Variants in VPS13D observed in about 807,000 individuals in gnomAD.
VPS13D encodes the protein vacuolar protein sorting 13 homolog D, also known as intermembrane lipid transfer protein VPS13D.
A neutral mutation model predicts 461.9 loss-of-function variants in VPS13D; 187 were observed. That is an observed-to-expected ratio of 0.40 (90% confidence interval 0.36 to 0.46). VPS13D has a LOEUF of 0.46. VPS13D is among the 20% of genes least tolerant of loss of function. VPS13D has a pLI of 0.60. For synonymous variants in VPS13D, 1,951 were observed against 1,986.3 expected, an observed-to-expected ratio of 0.98 and a Z score of 0.47; for missense variants, 4,711 against 5,364.9, an observed-to-expected ratio of 0.88 and a Z score of 3.81.
At chr1:12,339,753 G>T (rs1196273412) in intron 40 of VPS13D, among the ~76,000 whole-genome samples, 3 of 152,166 alleles carry the variant, frequency 2.0e-5, no homozygotes, top group South Asian at 2.1e-4. Flanking sequence ...ATGGGTTATT[G>T]AAGCCTGTGC....
At chr1:12,501,425 A>G (rs1646033783) in intron 68 of VPS13D, among the ~76,000 whole-genome samples, 1 of 152,190 alleles carries the variant, frequency 6.6e-6, no homozygotes, top group African/African-American at 2.4e-5. Flanking sequence ...TACACCTCTG[A>G]ATTAAAACTT....
Position 12,338,256 on chromosome 1 carries a change from TAGG to T in VPS13D, c.8580_8582del (p.Arg2860del). On this transcript the variant is annotated inframe_deletion, in exon 40 of 70. Coordinates refer to ENST00000620676, the MANE Select transcript of VPS13D (RefSeq NM_015378.4). ...GCCTCCCCCTTGTCTACCTTAGAAC[TAGG>T]AGTACAGCCAGTCTGACTAACCTAG... 6.2e-7 allele frequency: 1 copy of T among 1,613,738 alleles called. No individual in the cohort carries two copies.
At position 12,382,033 on chromosome 1, in the gene VPS13D, C is replaced by CTCTT. The variant is rs577199939; in HGVS notation, c.11191-926_11191-923dup. On this transcript the variant is annotated intron_variant, in intron 57 of 69. Coordinates refer to ENST00000620676, the MANE Select transcript of VPS13D (RefSeq NM_015378.4). ...TCTTCCTTCCTTCCTTCCTTTCTTT[C>CTCTT]TCTTTCTTTCTTTCTTTCTTCCCTT... Among the ~76,000 whole-genome samples, 586 of 142,316 alleles carry CTCTT rather than the reference C, an allele frequency of 4.1e-3. 3 individuals are homozygous for CTCTT. The highest frequency in any genetic ancestry group is 0.013 in the African/African-American group (509 of 37,834). 93.4% of individuals were successfully genotyped at this position (142,316 alleles called of 152,430 possible). A position where few individuals can be genotyped will look rare whatever the true frequency, so the allele number is the denominator to read the frequency against.
chr1:12,487,905 C>T (rs1338345661), intron 67 of VPS13D, among the ~76,000 whole-genome samples: 2 of 152,168 alleles, frequency 1.3e-5, no homozygotes, highest in African/African-American at 2.4e-5. Flanking sequence ...TGGCACTTTT[C>T]TAAAACTTCA....
intron 25 of VPS13D, among the ~76,000 whole-genome samples, chr1:12,301,319 C>A (rs1037757272): frequency 1.3e-5 from 2 of 152,192 alleles, no homozygotes; most frequent in Non-Finnish European, 2.9e-5. Flanking sequence ...AGACACCAGT[C>A]ACAAGTACAG....
intron 65 of VPS13D, among the ~76,000 whole-genome samples, chr1:12,419,600 A>G (rs1245596986): frequency 6.6e-6 from 1 of 152,134 alleles, no homozygotes; most frequent in South Asian, 2.1e-4. Flanking sequence ...GAGGTGCTAC[A>G]TACTTTTAAA....
At position 12,279,780 on chromosome 1, in the gene VPS13D, C is replaced by A; in HGVS notation, c.4602+130C>A. The A allele has an allele frequency of 3.7e-6, 3 of 816,272 alleles. No individual in the cohort carries two copies. The highest frequency in any genetic ancestry group is 3.4e-6 in the Non-Finnish European group (2 of 590,332). 50.6% of individuals were successfully genotyped at this position (816,272 alleles called of 1,614,324 possible). On this transcript the variant is annotated intron_variant, in intron 20 of 69. Coordinates refer to ENST00000620676, the MANE Select transcript of VPS13D (RefSeq NM_015378.4). This position sits in a 1 kb window ranked among gnomAD's most constrained non-coding sequence, Gnocchi z 4.3. ...AAGATATATCACCCATGCATAATAC[C>A]ATTGTTGAAACCTTGTTCCAATAAT...
intron 24 of VPS13D, among the ~76,000 whole-genome samples, chr1:12,294,629 A>G (rs1010253356): frequency 2.0e-5 from 3 of 152,142 alleles, no homozygotes; most frequent in African/African-American, 7.2e-5. Flanking sequence ...CCTGGCCAAC[A>G]TGACGAAACC....
intron 60 of VPS13D, among the ~76,000 whole-genome samples, chr1:12,398,584 C>T (rs539585565): frequency 2.6e-5 from 4 of 151,994 alleles, no homozygotes; most frequent in Admixed American, 6.6e-5. Context: ...TGGTGAACTT[C>T]GATGTGAGAC....
chr1:12,406,542 T>A (rs1644658206), intron 63 of VPS13D, among the ~76,000 whole-genome samples: 1 of 152,188 alleles, frequency 6.6e-6, no homozygotes, highest in Non-Finnish European at 1.5e-5. Context: ...GAGGGTACAT[T>A]GTTGCCAGAT....
Position 12,358,512 on chromosome 1 carries a change from G to A in VPS13D, c.10052G>A (p.Cys3351Tyr). 1 of 1,614,234 alleles carries A rather than the reference G, an allele frequency of 6.2e-7. No individual in the cohort carries two copies. The highest frequency in any genetic ancestry group is 8.5e-7 in the Non-Finnish European group (1 of 1,180,048). The change falls in exon 50 of 70, where the codon TGT (cysteine) becomes TAT (tyrosine). Residue 3351 changes from cysteine (C) to tyrosine (Y), a missense_variant. This residue lies in a region of VPS13D where 4,411 missense variants were observed against 4,937.8 expected (regional missense o/e 0.89). Transcript: ENST00000620676. ...GIHPEGMPGW[C>Y]QGFSLDGGSG... is the part of the protein sequence containing the mutation. ...CATCCAGAAGGCATGCCGGGCTGGT[G>A]TCAGGGCTTCTCCCTGGATGGTGGT...
chr1:12,453,607 G>A (rs1645291049), intron 65 of VPS13D, among the ~76,000 whole-genome samples: 1 of 152,106 alleles, frequency 6.6e-6, no homozygotes, highest in Non-Finnish European at 1.5e-5. Flanking sequence ...AAACATAGCA[G>A]GCACTCTTAT....
intron 57 of VPS13D, among the ~76,000 whole-genome samples, chr1:12,380,932 C>A (rs1348992637): frequency 6.6e-6 from 1 of 152,204 alleles, no homozygotes; most frequent in Admixed American, 6.5e-5. Flanking sequence ...CTTCTAGAGG[C>A]AAAGAGGGCT....
chr1:12,283,390 C>G lies in VPS13D; in HGVS notation c.5288C>G (p.Pro1763Arg). The G allele has an allele frequency of 6.2e-7, 1 of 1,614,170 alleles. No individual in the cohort carries two copies. Among genetic ancestry groups the G allele is most frequent in the Non-Finnish European group, 8.5e-7 (1 of 1,180,024 alleles). The change falls in exon 21 of 70, where the codon CCT becomes CGT. Residue 1763 changes from proline (P) to arginine (R), a missense_variant. Transcript: ENST00000620676. Reference sequence around the variant, plus strand: ...GACAAGGACTATCCCTTGACCCCACCTCCTTCTCCAACAGTGGATGAGCCC... The same window carrying G: ...GACAAGGACTATCCCTTGACCCCACGTCCTTCTCCAACAGTGGATGAGCCC... ...VQDKDYPLTPPPSPTVDEPKI... is the reference protein window; with the variant it reads ...VQDKDYPLTPRPSPTVDEPKI...
chr1:12,383,971 A>T (rs1230174162), intron 58 of VPS13D, among the ~76,000 whole-genome samples: 1 of 152,352 alleles, frequency 6.6e-6, no homozygotes, highest in East Asian at 1.9e-4. Flanking sequence ...GGGCCAGATC[A>T]TAAAAAGTCT....
At chr1:12,290,851 A>C (rs1642112070) in intron 22 of VPS13D, 147 bp from the exon 23 acceptor site, 1 of 604,928 alleles carries the variant, frequency 1.7e-6, no homozygotes, top group South Asian at 5.1e-5. Flanking sequence ...TTTTTGGGGT[A>C]TATTGGAATA....
chr1:12,403,383 A>T (rs1644605283), intron 62 of VPS13D, among the ~76,000 whole-genome samples: 1 of 152,212 alleles, frequency 6.6e-6, no homozygotes, highest in African/African-American at 2.4e-5. Context: ...TCAGGCATTT[A>T]TGTTTCACTC....
At chr1:12,446,001 A>C (rs1645187854) in intron 65 of VPS13D, among the ~76,000 whole-genome samples, 1 of 152,214 alleles carries the variant, frequency 6.6e-6, no homozygotes, top group South Asian at 2.1e-4. Flanking sequence ...TAGCTTTCCC[A>C]AAATGCAGGT....
intron 68 of VPS13D, among the ~76,000 whole-genome samples, chr1:12,498,553 G>A (rs1020030308): frequency 1.3e-5 from 2 of 152,186 alleles, no homozygotes. Flanking sequence ...CTTCCTACAT[G>A]TGCCTTGTGT....
Sources: gnomAD v4.1 joint callset for allele counts (sites outside exome capture counted in the v4.1 genomes callset) on GRCh38, gnomAD v4.1.1 for gene constraint, gnomAD v4.1.1 regional missense constraint, Gnocchi (gnomAD v3.1) non-coding constraint, MANE v1.5 for transcripts, NCBI Gene and HGNC (gene_info 2026-07-23, HGNC 2026-07-21) for gene names.